The following KHDRBS3 variants were observed in gnomAD, a reference collection of about 807,000 sequenced individuals.
KHDRBS3 encodes the protein KH RNA binding domain containing, signal transduction associated 3.
KHDRBS3 carries 23 observed loss-of-function variants against 45.6 expected under a neutral mutation model. The ratio of observed to expected loss-of-function variants is 0.50; its 90% confidence interval spans 0.36 to 0.72. KHDRBS3 has a LOEUF of 0.72. Ranked by LOEUF, KHDRBS3 falls within the 30% of genes least tolerant of loss-of-function variation. The pLI is 0.00. For synonymous variants in KHDRBS3, 162 were observed against 156.5 expected (o/e 1.04, Z -0.26); for missense variants, 352 against 424.8 (o/e 0.83, Z 1.51).
intron 5 of KHDRBS3, among the ~76,000 whole-genome samples, chr8:135,573,862 G>A (rs575235818): frequency 6.6e-6 from 1 of 152,224 alleles, no homozygotes; most frequent in East Asian, 1.9e-4. Context: ...AACCCAAAAA[G>A]AAAGAATTAT....
chr8:135,595,846 C>T (rs1191848503), intron 6 of KHDRBS3, among the ~76,000 whole-genome samples: 2 of 152,140 alleles, frequency 1.3e-5, no homozygotes, highest in Admixed American at 6.5e-5. Flanking sequence ...CAGATGAAGC[C>T]CTTGTTCTTG....
intron 5 of KHDRBS3, among the ~76,000 whole-genome samples, chr8:135,570,936 C>T (rs1827673173): frequency 6.6e-6 from 1 of 152,122 alleles, no homozygotes; most frequent in South Asian, 2.1e-4. Flanking sequence ...GAAGGGGAGA[C>T]AAAAAGCGGA....
At chr8:135,550,752 AT>A (rs1826547413) in intron 4 of KHDRBS3, among the ~76,000 whole-genome samples, 1 of 152,048 alleles carries the variant, frequency 6.6e-6, no homozygotes, top group South Asian at 2.1e-4. Flanking sequence ...CTTAATTTCT[AT>A]TAAAAAAAAG....
Position 135,645,110 on chromosome 8 carries a change from T to C in KHDRBS3, c.942T>C (p.Asp314=). Residue 314 remains aspartate, a synonymous_variant, in exon 8 of 9, where the codon GAT becomes GAC. Coordinates refer to ENST00000355849, the MANE Select transcript of KHDRBS3 (RefSeq NM_006558.3). ...ATGGACTCAGTGAGGAGACTTATGATTCCTACGGTGAGTGACTGGCCAGAG... is the reference window on the plus strand; with the variant it reads ...ATGGACTCAGTGAGGAGACTTATGACTCCTACGGTGAGTGACTGGCCAGAG... ...YGHGLSEETY[D]SYGQEEWTNS... is the part of the protein sequence containing the mutation. 6.2e-7 allele frequency: 1 copy of C among 1,613,678 alleles called. No homozygotes were observed. The highest frequency in any genetic ancestry group is 8.5e-7 in the Non-Finnish European group (1 of 1,179,856).
At chr8:135,509,188 A>G (rs996238027) in intron 1 of KHDRBS3, among the ~76,000 whole-genome samples, 1 of 152,190 alleles carries the variant, frequency 6.6e-6, no homozygotes, top group African/African-American at 2.4e-5. Context: ...ATAGAATTCC[A>G]TATATTTGTT....
intron 7 of KHDRBS3, among the ~76,000 whole-genome samples, chr8:135,639,374 G>A (rs1830961530): frequency 6.6e-6 from 1 of 152,158 alleles, no homozygotes; most frequent in African/African-American, 2.4e-5. Flanking sequence ...GACAAGAGGA[G>A]CCAGAAAGTT....
At chr8:135,607,240 C>CATTAT (rs1181533333) in intron 7 of KHDRBS3, among the ~76,000 whole-genome samples, 2 of 152,142 alleles carry the variant, frequency 1.3e-5, no homozygotes, top group African/African-American at 4.8e-5. Flanking sequence ...TTAAAGAAAT[C>CATTAT]AGGGAAATAA....
chr8:135,636,267 G>T (rs370673841), intron 7 of KHDRBS3, among the ~76,000 whole-genome samples: 1 of 152,096 alleles, frequency 6.6e-6, no homozygotes, highest in African/African-American at 2.4e-5. Context: ...CACTTTTCCC[G>T]TCATCATACA....
chr8:135,487,147 C>T (rs924911030), intron 1 of KHDRBS3, among the ~76,000 whole-genome samples: 2 of 152,198 alleles, frequency 1.3e-5, no homozygotes, highest in Non-Finnish European at 2.9e-5. Flanking sequence ...TTTAACATTA[C>T]ATGTAACACA....
chr8:135,491,562 C>A (rs2130422250), intron 1 of KHDRBS3, among the ~76,000 whole-genome samples: 1 of 152,224 alleles, frequency 6.6e-6, no homozygotes, highest in South Asian at 2.1e-4. Flanking sequence ...TGCAAGAAAA[C>A]TGCCCTGGTT....
At chr8:135,598,463 A>G (rs1829067329) in intron 6 of KHDRBS3, among the ~76,000 whole-genome samples, 1 of 152,206 alleles carries the variant, frequency 6.6e-6, no homozygotes, top group Non-Finnish European at 1.5e-5. Flanking sequence ...CAGAGCTGGA[A>G]TTTGAACATA....
At chr8:135,625,383 CA>C (rs1265241277) in intron 7 of KHDRBS3, 6 of 828,012 alleles carry the variant, frequency 7.2e-6, no homozygotes, top group Admixed American at 1.8e-5. Context: ...AGTTTCAATA[CA>C]TTGAGTGCTG....
chr8:135,520,813 G>A (rs546674257), intron 1 of KHDRBS3, among the ~76,000 whole-genome samples: 2 of 152,194 alleles, frequency 1.3e-5, no homozygotes, highest in African/African-American at 4.8e-5. Flanking sequence ...TAATGCCATC[G>A]TAGAATCAGT....
intron 4 of KHDRBS3, among the ~76,000 whole-genome samples, chr8:135,551,262 A>G (rs1360380285): frequency 6.6e-6 from 1 of 152,106 alleles, no homozygotes; most frequent in Non-Finnish European, 1.5e-5. Context: ...TTGTTATTCT[A>G]TTCTATTCCA....
intron 4 of KHDRBS3, among the ~76,000 whole-genome samples, chr8:135,655,499 G>A (rs1831514776): frequency 6.6e-6 from 1 of 152,224 alleles, no homozygotes; most frequent in South Asian, 2.1e-4. Flanking sequence ...ATGTGTTTTA[G>A]GAACGTATAA....
intron 5 of KHDRBS3, among the ~76,000 whole-genome samples, chr8:135,578,285 G>T (rs1828040696): frequency 6.6e-6 from 1 of 151,874 alleles, no homozygotes; most frequent in Non-Finnish European, 1.5e-5. Flanking sequence ...TTTTGATATT[G>T]TATCTAAAAA....
At chr8:135,476,785 G>T (rs1311854057) in intron 1 of KHDRBS3, among the ~76,000 whole-genome samples, 1 of 152,132 alleles carries the variant, frequency 6.6e-6, no homozygotes, top group African/African-American at 2.4e-5. Flanking sequence ...TTCACATTAG[G>T]TGGGTAAAAA....
At chr8:135,545,248 T>A (rs553612899) in intron 3 of KHDRBS3, among the ~76,000 whole-genome samples, 9 of 152,064 alleles carry the variant, frequency 5.9e-5, no homozygotes, top group Non-Finnish European at 1.0e-4. Flanking sequence ...AAGCAGAGAT[T>A]GATCGTAGGC....
intron 1 of KHDRBS3, among the ~76,000 whole-genome samples, chr8:135,505,953 C>T (rs1823974252): frequency 6.6e-6 from 1 of 152,138 alleles, no homozygotes; most frequent in Non-Finnish European, 1.5e-5. Context: ...TTCGCAGAAC[C>T]TCATAGGGAG....
Sources: gnomAD v4.1 joint callset for allele counts (sites outside exome capture counted in the v4.1 genomes callset) on GRCh38, gnomAD v4.1.1 for gene constraint, MANE v1.5 for transcripts, NCBI Gene and HGNC (gene_info 2026-07-23, HGNC 2026-07-21) for gene names.